GRM8: variants seen among roughly 807,000 people sequenced by gnomAD.
The protein encoded by GRM8 is glutamate metabotropic receptor 8.
A neutral mutation model predicts 87.2 loss-of-function variants in GRM8; 47 were observed. That is an observed-to-expected ratio of 0.54 (90% CI 0.43 to 0.69). The LOEUF is 0.69. GRM8 is among the 30% of genes least tolerant of loss of function. The probability of loss-of-function intolerance (pLI) is 0.00; values close to 1 mark genes in which losing one functional copy is unlikely to be tolerated. For missense variants in GRM8, 1,019 were observed against 1,139.2 expected (o/e 0.89, Z 1.52); for synonymous variants, 396 against 404.5 (o/e 0.98, Z 0.25).
At chr7:126,615,581 A>T (rs544487405) in intron 7 of GRM8, among the ~76,000 whole-genome samples, 1 of 152,332 alleles carries the variant, frequency 6.6e-6, no homozygotes, top group African/African-American at 2.4e-5. Context: ...CAGACTGGCA[A>T]ATTGGATAAA....
intron 2 of GRM8, among the ~76,000 whole-genome samples, chr7:127,206,700 C>T (rs942104287): frequency 6.6e-6 from 1 of 152,088 alleles, no homozygotes; most frequent in Non-Finnish European, 1.5e-5. Flanking sequence ...TGTAATTCAC[C>T]CAGGGAAGAA....
intron 3 of GRM8, among the ~76,000 whole-genome samples, chr7:126,928,246 G>C (rs994789949): frequency 2.0e-4 from 30 of 151,418 alleles, no homozygotes; most frequent in Non-Finnish European, 2.9e-5. Flanking sequence ...GCAAGGGGAG[G>C]GATAGCATTA....
chr7:126,879,139 G>A (rs1252793995), intron 6 of GRM8, among the ~76,000 whole-genome samples: 4 of 148,754 alleles, frequency 2.7e-5, no homozygotes, highest in Admixed American at 6.7e-5. Context: ...CTCCAGCCTG[G>A]GCCACAGAGT....
chr7:126,688,766 A>C (rs1382237304), intron 7 of GRM8, among the ~76,000 whole-genome samples: 2 of 151,752 alleles, frequency 1.3e-5, no homozygotes, highest in Non-Finnish European at 2.9e-5. Flanking sequence ...ACACACACAC[A>C]CAGAGACACA....
chr7:126,818,761 G>T (rs757903084), intron 6 of GRM8, among the ~76,000 whole-genome samples: 4 of 152,108 alleles, frequency 2.6e-5, no homozygotes, highest in Admixed American at 6.6e-5. Context: ...CAAACATAAG[G>T]ATATCACATC....
intron 6 of GRM8, among the ~76,000 whole-genome samples, chr7:126,817,309 T>C (rs1793887142): frequency 6.6e-6 from 1 of 152,192 alleles, no homozygotes. Context: ...AATTTCTTGC[T>C]ATTTTAATAT....
At chr7:126,648,697 G>C (rs1323351864) in intron 7 of GRM8, among the ~76,000 whole-genome samples, 6 of 152,188 alleles carry the variant, frequency 3.9e-5, no homozygotes, top group Non-Finnish European at 8.8e-5. Flanking sequence ...ATACCAACAA[G>C]TTGCATATCT....
intron 9 of GRM8, among the ~76,000 whole-genome samples, chr7:126,490,727 C>G (rs1807906819): frequency 6.6e-6 from 1 of 152,042 alleles, no homozygotes. Flanking sequence ...AAATAAACTG[C>G]CTGCATGCAT....
intron 6 of GRM8, among the ~76,000 whole-genome samples, chr7:126,873,467 A>G (rs1234475525): frequency 2.0e-5 from 3 of 152,062 alleles, no homozygotes; most frequent in Non-Finnish European, 4.4e-5. Flanking sequence ...CCCTTAAGAT[A>G]GTAGGTACTA....
intron 2 of GRM8, among the ~76,000 whole-genome samples, chr7:127,238,726 A>AT (rs987700699): frequency 3.3e-5 from 5 of 152,130 alleles, no homozygotes; most frequent in Middle Eastern, 3.2e-3. Context: ...AAAGAGGCCC[A>AT]TTTTTTTCAT....
chr7:126,961,530 T>C (rs1341598568), intron 3 of GRM8, among the ~76,000 whole-genome samples: 1 of 152,176 alleles, frequency 6.6e-6, no homozygotes, highest in Admixed American at 6.5e-5. Flanking sequence ...TTCATTCTAG[T>C]CCTGTCAGCA....
chr7:126,667,352 TGGGG>T (rs1805881701), intron 7 of GRM8, among the ~76,000 whole-genome samples: 1 of 152,208 alleles, frequency 6.6e-6, no homozygotes, highest in African/African-American at 2.4e-5. Context: ...AAAGCTTAAT[TGGGG>T]TGTCACTGTA....
intron 2 of GRM8, chr7:127,228,941 C>T (rs1019404336): frequency 3.9e-5 from 6 of 152,242 alleles, no homozygotes; most frequent in African/African-American, 9.6e-5. Context: ...AATATTAACG[C>T]TATTAATTTA....
intron 3 of GRM8, among the ~76,000 whole-genome samples, chr7:126,923,018 G>C (rs1395597286): frequency 6.6e-6 from 1 of 152,028 alleles, no homozygotes; most frequent in African/African-American, 2.4e-5. Flanking sequence ...CCCAGTCTCA[G>C]GTATTTCTTT....
intron 7 of GRM8, among the ~76,000 whole-genome samples, chr7:126,692,538 G>C (rs1353122911): frequency 2.0e-5 from 3 of 152,178 alleles, no homozygotes; most frequent in African/African-American, 7.2e-5. Context: ...TCTCCACATG[G>C]AAGGTGTGTT....
At chr7:127,012,946 A>C (rs1815043109) in intron 3 of GRM8, among the ~76,000 whole-genome samples, 1 of 152,154 alleles carries the variant, frequency 6.6e-6, no homozygotes, top group South Asian at 2.1e-4. Context: ...CAGAAGGGGA[A>C]ACACTATTCA....
intron 6 of GRM8, among the ~76,000 whole-genome samples, chr7:126,850,265 G>A (rs1036183762): frequency 5.3e-5 from 8 of 152,104 alleles, no homozygotes; most frequent in African/African-American, 9.7e-5. Context: ...TACATTCCTG[G>A]TTTACCTTCT....
intron 3 of GRM8, among the ~76,000 whole-genome samples, chr7:127,099,523 C>T (rs1240776229): frequency 1.3e-5 from 2 of 152,156 alleles, no homozygotes; most frequent in Non-Finnish European, 2.9e-5. Context: ...ACTGGGATCC[C>T]ATCACTTACC....
chr7:126,698,787 G>A (rs545015239), intron 7 of GRM8, among the ~76,000 whole-genome samples: 2 of 152,020 alleles, frequency 1.3e-5, no homozygotes, highest in Non-Finnish European at 2.9e-5. Flanking sequence ...AGCTTGTTGG[G>A]GTGCCTGGAA....
Sources: allele counts gnomAD v4.1 joint callset (sites outside exome capture counted in the v4.1 genomes callset), GRCh38; gene constraint gnomAD v4.1.1; transcripts MANE v1.5; gene names NCBI Gene and HGNC (gene_info 2026-07-23, HGNC 2026-07-21).